Variants in YKT6 observed in about 807,000 individuals in gnomAD.
YKT6 encodes the protein YKT6 vesicular SNARE protein, also known as synaptobrevin homolog YKT6.
In YKT6, 12 loss-of-function variants were observed where a neutral mutation model predicts 29.3. That is an observed-to-expected ratio of 0.41 (90% CI 0.26 to 0.66). YKT6 has a LOEUF of 0.66. YKT6 is among the 30% of genes least tolerant of loss of function. The pLI, the probability that YKT6 is intolerant of heterozygous loss-of-function variation, is 0.32. For missense variants in YKT6, 188 were observed against 243.8 expected, an observed-to-expected ratio of 0.77 and a Z score of 1.52; for synonymous variants, 86 against 94.3, an observed-to-expected ratio of 0.91 and a Z score of 0.51.
chr7:44,210,403 C>T (rs896971375), intron 5 of YKT6, among the ~76,000 whole-genome samples: 11 of 152,312 alleles, frequency 7.2e-5, no homozygotes, highest in South Asian at 2.1e-4. Context: ...CTGCCTCTGC[C>T]GTCACGTGAC....
chr7:44,201,256 G>T lies in YKT6; in HGVS notation c.104+17G>T, dbSNP rs1184773595. On this transcript the variant is annotated intron_variant, in intron 1 of 6. Transcript: ENST00000223369. Reference sequence around the variant, plus strand: ...GAGATCCAGGTGAGCGGCACAGGCTGGTGGGCCGTGGCGGTCGGGCGGAGA... The same window carrying T: ...GAGATCCAGGTGAGCGGCACAGGCTTGTGGGCCGTGGCGGTCGGGCGGAGA... 1.9e-6 allele frequency: 3 copies of T among 1,607,198 alleles called. No homozygotes were observed. Among genetic ancestry groups the T allele is most frequent in the Admixed American group, 1.7e-5 (1 of 59,100 alleles).
chr7:44,205,903 A>G (rs2096340340), intron 2 of YKT6, among the ~76,000 whole-genome samples: 1 of 152,200 alleles, frequency 6.6e-6, no homozygotes, highest in African/African-American at 2.4e-5. Context: ...ATAATATGGA[A>G]GACTGAGGCC....
At position 44,201,025 on chromosome 7, in the gene YKT6, C is replaced by A. The variant is rs552594947; in HGVS notation, c.-111C>A. 7.0e-6 allele frequency: 6 copies of A among 861,364 alleles called. No homozygotes were observed. Among genetic ancestry groups the A allele is most frequent in the East Asian group, 3.2e-5 (1 of 30,870 alleles). The allele number at this position is 861,364 out of a possible 1,614,324, so 53.4% of individuals were successfully genotyped here. ...AGCCGGCGGTGGCCCCGTCAGCAGC[C>A]GGCTGCTGAGAGGCCGGTAGGCGGC... On this transcript the variant is annotated 5_prime_UTR_variant, in exon 1 of 7. Coordinates refer to ENST00000223369, the MANE Select transcript of YKT6 (RefSeq NM_006555.4).
At chr7:44,204,858 G>T (rs918889364) in intron 2 of YKT6, among the ~76,000 whole-genome samples, 1 of 152,160 alleles carries the variant, frequency 6.6e-6, no homozygotes, top group African/African-American at 2.4e-5. Context: ...CTCAAACTTA[G>T]ACTCATTTAA....
chr7:44,208,295 A>G (rs1398285507), intron 5 of YKT6, 97 bp downstream of exon 5: 18 of 1,347,760 alleles, frequency 1.3e-5, no homozygotes, highest in Non-Finnish European at 6.3e-6. Context: ...TTAATATAAT[A>G]GTAACCACGG....
rs1438853626 is a variant in YKT6, at chr7:44,207,508, G to A, written c.393+16G>A. On this transcript the variant is annotated intron_variant, in intron 4 of 6. Transcript: ENST00000223369. ...TAGATACCAGGTAGGGTTAAAGGAA[G>A]CTTCAGCAGACACCATGTGGCCCAG... is the stretch of plus-strand genomic sequence containing the variant. 1.2e-6 allele frequency: 2 copies of A among 1,610,632 alleles called. No individual in the cohort carries two copies. Among genetic ancestry groups the A allele is most frequent in the Non-Finnish European group, 1.7e-6 (2 of 1,177,114 alleles).
chr7:44,208,004 G>T (rs933061673), intron 4 of YKT6, 129 bp from the exon 5 acceptor site: 1 of 917,872 alleles, frequency 1.1e-6, no homozygotes, highest in Non-Finnish European at 1.7e-6. Flanking sequence ...GATTACAGGC[G>T]TGAGCCACTG....
intron 1 of YKT6, among the ~76,000 whole-genome samples, chr7:44,201,608 A>G (rs183188966): frequency 6.6e-6 from 1 of 152,188 alleles, no homozygotes; most frequent in Non-Finnish European, 1.5e-5. Context: ...GAGACTGTGA[A>G]GTAGTGCAGA....
At chr7:44,204,486 G>C (rs1019220950) in intron 1 of YKT6, 82 bp from the exon 2 acceptor site, 46 of 1,364,174 alleles carry the variant, frequency 3.4e-5, no homozygotes, top group Non-Finnish European at 4.3e-5. Flanking sequence ...TCTACTTAAT[G>C]TATAAGCCCA....
chr7:44,209,738 A>T (rs1462787941), intron 5 of YKT6, among the ~76,000 whole-genome samples: 1 of 152,192 alleles, frequency 6.6e-6, no homozygotes, highest in East Asian at 1.9e-4. Flanking sequence ...ATCTGAGGAG[A>T]GAAGCGAGCT....
At chr7:44,202,437 C>G (rs1012932112) in intron 1 of YKT6, among the ~76,000 whole-genome samples, 1 of 152,120 alleles carries the variant, frequency 6.6e-6, no homozygotes, top group Admixed American at 6.5e-5. Context: ...AACACATTCC[C>G]TTCTCCCCCA....
chr7:44,204,109 A>C (rs2096338529), intron 1 of YKT6, among the ~76,000 whole-genome samples: 1 of 152,202 alleles, frequency 6.6e-6, no homozygotes, highest in African/African-American at 2.4e-5. Context: ...TGTATGTGGC[A>C]TTGCGAGGGT....
At chr7:44,206,905 A>T (rs941899234) in intron 3 of YKT6, among the ~76,000 whole-genome samples, 1 of 152,094 alleles carries the variant, frequency 6.6e-6, no homozygotes, top group South Asian at 2.1e-4. Flanking sequence ...CATTCTTTAA[A>T]TTTTTTTGCG....
intron 5 of YKT6, chr7:44,210,594 G>A (rs867164565): frequency 3.0e-4 from 91 of 306,814 alleles, no homozygotes; most frequent in African/African-American, 1.8e-3. Flanking sequence ...TGGGGGGTGC[G>A]GTGTGGGTCA....
intron 5 of YKT6, chr7:44,210,722 G>GTA (rs71563939): frequency 0.061 from 26,842 of 438,162 alleles, 668 homozygotes; most frequent in East Asian, 0.079. Context: ...AAATGTGTGT[G>GTA]TATATATATA....
intron 6 of YKT6, 35 bp downstream of exon 6, chr7:44,211,159 C>G (rs2096346378): frequency 6.3e-7 from 1 of 1,593,240 alleles, no homozygotes; most frequent in South Asian, 1.1e-5. Flanking sequence ...CCTGGGTGTT[C>G]TCTCTAGAGA....
chr7:44,206,300 C>G, intron 2 of YKT6, 85 bp from the exon 3 acceptor site: 1 of 1,407,068 alleles, frequency 7.1e-7, no homozygotes, highest in Non-Finnish European at 1.0e-6. Flanking sequence ...TTTGGCCTAA[C>G]ATTGGATGCT....
intron 6 of YKT6, 34 bp from the exon 7 acceptor site, chr7:44,212,213 C>T (rs1708521022): frequency 1.2e-6 from 2 of 1,613,852 alleles, no homozygotes; most frequent in Non-Finnish European, 1.7e-6. Context: ...CTTCGTCAGT[C>T]CTCCTTCTCA....
Position 44,212,303 on chromosome 7 carries a change from A to T in YKT6, c.*21A>T. ...TGTGATGCAGCCTGCCAGAGGCCCA[A>T]TGCTGGAATGGCACCATCATTCACA... On this transcript the variant is annotated 3_prime_UTR_variant, in exon 7 of 7. Transcript: ENST00000223369. 1 of 1,613,440 alleles carries T rather than the reference A, an allele frequency of 6.2e-7. No homozygotes were observed. The highest frequency in any genetic ancestry group is 8.5e-7 in the Non-Finnish European group (1 of 1,179,642).
Sources: gnomAD v4.1 joint callset for allele counts (sites outside exome capture counted in the v4.1 genomes callset) on GRCh38, gnomAD v4.1.1 for gene constraint, MANE v1.5 for transcripts, NCBI Gene and HGNC (gene_info 2026-07-23, HGNC 2026-07-21) for gene names.